The following TJP2 variants were observed in gnomAD, a reference collection of about 807,000 sequenced individuals.
TJP2 encodes tight junction protein 2.
Under a neutral mutation model 133.1 loss-of-function variants are expected in TJP2, and 91 were observed. The ratio of observed to expected loss-of-function variants is 0.68; its 90% CI spans 0.58 to 0.81. The LOEUF (loss-of-function observed/expected upper bound fraction) is 0.81. Among genes scored for constraint, TJP2 ranks in the 40% least tolerant of loss-of-function variants. TJP2 has a pLI of 0.00. For synonymous variants in TJP2, 592 were observed against 583.4 expected, an observed-to-expected ratio of 1.01 and a Z score of -0.21; for missense variants, 1,541 against 1,565.6, an observed-to-expected ratio of 0.98 and a Z score of 0.26.
chr9:69,251,586 T>C (rs562776438), intron 21 of TJP2, among the ~76,000 whole-genome samples: 2 of 152,282 alleles, frequency 1.3e-5, no homozygotes, highest in South Asian at 4.1e-4. Flanking sequence ...TTCTGCTCTT[T>C]ATACACAGAA....
intron 2 of TJP2, among the ~76,000 whole-genome samples, chr9:69,213,733 T>C (rs994423555): frequency 6.6e-5 from 10 of 152,234 alleles, no homozygotes. Context: ...CTGACTCTCC[T>C]CTGCCCTTTC....
chr9:69,231,404 T>G (rs1829771753), intron 11 of TJP2, among the ~76,000 whole-genome samples: 1 of 152,206 alleles, frequency 6.6e-6, no homozygotes, highest in Non-Finnish European at 1.5e-5. Flanking sequence ...GGCTGGGAAC[T>G]GTCTTCATTG....
chr9:69,194,210 C>CT (rs111947214), intron 1 of TJP2, among the ~76,000 whole-genome samples: 57,619 of 151,876 alleles, frequency 0.38, 11,182 homozygotes, highest in South Asian at 0.44. Context: ...ATTTTAGAGA[C>CT]ACCAAAAGGA....
intron 1 of TJP2, among the ~76,000 whole-genome samples, chr9:69,192,548 A>G (rs542058628): frequency 2.6e-5 from 4 of 152,148 alleles, no homozygotes; most frequent in African/African-American, 9.6e-5. Flanking sequence ...TCTTGCTTGG[A>G]TTTTCTTTCG....
chr9:69,227,240 A>G (rs534099841), intron 7 of TJP2, among the ~76,000 whole-genome samples: 2 of 152,294 alleles, frequency 1.3e-5, no homozygotes, highest in South Asian at 2.1e-4. Context: ...CAAAAGGAGC[A>G]TGAGAAATAA....
chr9:69,155,232 AAAAAAAAAAAAAAAAAAGGAAAAG>A (rs1375051150), intron 2 of TJP2, among the ~76,000 whole-genome samples: 12 of 150,612 alleles, frequency 8.0e-5, no homozygotes, highest in Non-Finnish European at 1.5e-4. Flanking sequence ...ATTTCCAAAA[AAAAAAAAAAAAAAAAAAGGAAAAG>A]AAAACAAAAG....
At position 69,237,939 on chromosome 9, in the gene TJP2, G is replaced by A; in HGVS notation, c.2241G>A (p.Leu747=). 6.2e-7 allele frequency: 1 copy of A among 1,613,806 alleles called. No individual in the cohort carries two copies. The highest frequency in any genetic ancestry group is 1.3e-5 in the African/African-American group (1 of 75,016). Residue 747 remains leucine (L), a synonymous_variant, in exon 15 of 23, where the codon TTG becomes TTA. Transcript: ENST00000377245. ...TAGCTGATATAGCAATGGAAAAATT[G>A]GCTAATGAGTTACCTGACTGGTTTC... is the stretch of plus-strand genomic sequence containing the variant. ...GPIADIAMEK[L]ANELPDWFQT... is the part of the protein sequence containing the mutation.
intron 2 of TJP2, among the ~76,000 whole-genome samples, chr9:69,216,030 A>C (rs1183628699): frequency 6.6e-6 from 1 of 152,248 alleles, no homozygotes; most frequent in Admixed American, 6.5e-5. Flanking sequence ...TGCTTCAAAC[A>C]GTACGTCCCT....
At chr9:69,229,159 A>G in intron 9 of TJP2, 25 bp from the exon 10 acceptor site, 1 of 1,609,552 alleles carries the variant, frequency 6.2e-7, no homozygotes, top group Non-Finnish European at 8.5e-7. Flanking sequence ...CAGATTGATA[A>G]CAGTAGATGT....
intron 11 of TJP2, among the ~76,000 whole-genome samples, chr9:69,231,337 G>A (rs7026609): frequency 0.91 from 138,301 of 152,236 alleles, 63,157 homozygotes; most frequent in East Asian, 1. Context: ...AGCTCAAGCA[G>A]TCCACATGCC....
At chr9:69,152,861 C>T (rs556944107) in intron 2 of TJP2, among the ~76,000 whole-genome samples, 24 of 111,862 alleles carry the variant, frequency 2.1e-4, no homozygotes, top group Non-Finnish European at 3.7e-4. Context: ...GACGGAGTCT[C>T]GCTCTGTCGC....
chr9:69,167,962 T>G (rs1824452919), intron 2 of TJP2, among the ~76,000 whole-genome samples: 1 of 152,152 alleles, frequency 6.6e-6, no homozygotes, highest in South Asian at 2.1e-4. Flanking sequence ...CGTGTTGGGT[T>G]TAATGGCAAA....
At chr9:69,210,216 G>A (rs1334356650) in intron 1 of TJP2, among the ~76,000 whole-genome samples, 1 of 150,480 alleles carries the variant, frequency 6.6e-6, no homozygotes, top group Non-Finnish European at 1.5e-5. Flanking sequence ...TTGAACCCAG[G>A]AGGCAGAGGT....
At chr9:69,135,542 G>A (rs1822693311) in intron 1 of TJP2, among the ~76,000 whole-genome samples, 1 of 152,020 alleles carries the variant, frequency 6.6e-6, no homozygotes, top group Non-Finnish European at 1.5e-5. Context: ...CCGGATTCAG[G>A]TGATTCTCCT....
intron 12 of TJP2, 51 bp from the exon 13 acceptor site, chr9:69,235,977 A>G (rs1244551288): frequency 6.4e-7 from 1 of 1,553,878 alleles, no homozygotes; most frequent in Admixed American, 1.7e-5. Flanking sequence ...AGTGTCTAGT[A>G]CTGTAACTTG....
chr9:69,232,991 A>G (rs978728579), intron 11 of TJP2, among the ~76,000 whole-genome samples: 4 of 152,236 alleles, frequency 2.6e-5, no homozygotes, highest in Admixed American at 1.3e-4. Context: ...GTCTTATTTA[A>G]GTAAACAAAT....
intron 1 of TJP2, among the ~76,000 whole-genome samples, chr9:69,150,272 C>T (rs1196787630): frequency 6.6e-6 from 1 of 151,266 alleles, no homozygotes; most frequent in Non-Finnish European, 1.5e-5. Flanking sequence ...GTGTATTTTA[C>T]TATAATAAAA....
At chr9:69,223,069 G>GGGAAA (rs1405334479) in intron 5 of TJP2, among the ~76,000 whole-genome samples, 1 of 114,084 alleles carries the variant, frequency 8.8e-6, no homozygotes, top group African/African-American at 3.1e-5. Flanking sequence ...ACTCTGTCTT[G>GGGAAA]AAAAAAAAAA....
At chr9:69,165,072 C>T (rs1482702778) in intron 2 of TJP2, among the ~76,000 whole-genome samples, 3 of 152,136 alleles carry the variant, frequency 2.0e-5, no homozygotes, top group Non-Finnish European at 2.9e-5. Flanking sequence ...TCAAGTGTTC[C>T]GCCTGCCTTG....
Sources: allele counts gnomAD v4.1 joint callset (sites outside exome capture counted in the v4.1 genomes callset), GRCh38; gene constraint gnomAD v4.1.1; transcripts MANE v1.5; gene names NCBI Gene and HGNC (gene_info 2026-07-23, HGNC 2026-07-21).